The following RGPD2 variants were observed in gnomAD, a reference collection of about 807,000 sequenced individuals.
The protein encoded by RGPD2 is RANBP2 like and GRIP domain containing 2.
A neutral mutation model predicts 36.0 loss-of-function variants in RGPD2; 2 were observed. The observed-to-expected ratio is 0.06, with a 90% CI of 0.02 to 0.17. RGPD2 has a LOEUF of 0.17. Among genes scored for constraint, RGPD2 ranks in the 10% least tolerant of loss-of-function variants. The probability of loss-of-function intolerance (pLI) is 1.00; values close to 1 mark genes in which losing one functional copy is unlikely to be tolerated. For missense variants in RGPD2, 40 were observed against 464.3 expected (o/e 0.09, Z 8.40); for synonymous variants, 19 against 163.8 (o/e 0.12, Z 6.75).
At chr2:87,825,303 C>A (rs1038458525) in intron 1 of RGPD2, among the ~76,000 whole-genome samples, 2 of 151,594 alleles carry the variant, frequency 1.3e-5, no homozygotes, top group African/African-American at 4.8e-5. Context: ...AAGGGCGAAC[C>A]TGATCTCTTA....
At chr2:87,882,894 A>C in the RGPD2 span, among the ~76,000 whole-genome samples, 1 of 151,938 alleles carries the variant, frequency 6.6e-6, no homozygotes, top group African/African-American at 2.4e-5. Context: ...GTTAATTGTT[A>C]GTGTGTAGCA....
At chr2:87,915,286 ATATGTATATTATATATATTG>A in the RGPD2 span, among the ~76,000 whole-genome samples, 1 of 137,796 alleles carries the variant, frequency 7.3e-6, no homozygotes, top group African/African-American at 3.0e-5. Flanking sequence ...ATATATATAT[ATATGTATATTATATATATTG>A]TATATATATG....
intron 18 of RGPD2, among the ~76,000 whole-genome samples, chr2:87,785,729 C>CAA (rs1685576098): frequency 9.2e-6 from 1 of 108,184 alleles, no homozygotes; most frequent in South Asian, 3.6e-4. Context: ...TACAGATGTA[C>CAA]AAACTGTCTG....
At chr2:87,988,198 C>T in the RGPD2 span, among the ~76,000 whole-genome samples, 5 of 125,806 alleles carry the variant, frequency 4.0e-5, no homozygotes, top group Middle Eastern at 4.1e-3. Context: ...CCCTTCAATT[C>T]TAACATTTTG....
At chr2:87,847,235 G>A in the RGPD2 span, among the ~76,000 whole-genome samples, 6 of 151,968 alleles carry the variant, frequency 3.9e-5, no homozygotes, top group East Asian at 1.2e-3. Flanking sequence ...ACTTATATTT[G>A]GATGACATAC....
the RGPD2 span, among the ~76,000 whole-genome samples, chr2:87,984,745 A>G: frequency 6.7e-6 from 1 of 149,646 alleles, no homozygotes; most frequent in East Asian, 2.0e-4. Flanking sequence ...CCTGGCTAAC[A>G]TGGTGAAACC....
chr2:87,883,763 T>C, the RGPD2 span, among the ~76,000 whole-genome samples: 1 of 152,110 alleles, frequency 6.6e-6, no homozygotes, highest in African/African-American at 2.4e-5. Flanking sequence ...AACTAACAAT[T>C]ATATTTGCTC....
rs1298704661 is a variant in RGPD2, at chr2:87,756,578, T to C, written c.*814A>G. On this transcript the variant is annotated 3_prime_UTR_variant, in exon 23 of 23. Transcript: ENST00000398146. Reference sequence around the variant, plus strand: ...CTCTGGCTGCACTGTGCCCCGTGTGTCCCCAGCATCCTGGTGGGGCTCAAT... The same window carrying C: ...CTCTGGCTGCACTGTGCCCCGTGTGCCCCCAGCATCCTGGTGGGGCTCAAT... 4 of 361,480 alleles carry C rather than the reference T, an allele frequency of 1.1e-5. No homozygotes were observed. The highest frequency in any genetic ancestry group is 4.1e-5 in the Admixed American group (1 of 24,152). The allele number at this position is 361,480 out of a possible 1,614,324, so 22.4% of individuals were successfully genotyped here. A position where few individuals can be genotyped will look rare whatever the true frequency, so the allele number is the denominator to read the frequency against.
chr2:87,866,861 C>A, the RGPD2 span, among the ~76,000 whole-genome samples: 4 of 152,206 alleles, frequency 2.6e-5, no homozygotes, highest in African/African-American at 9.6e-5. Flanking sequence ...TGCCATGTGC[C>A]CATAGAGTCT....
At chr2:87,915,308 A>ATATATATGTATATTATATATAG in the RGPD2 span, among the ~76,000 whole-genome samples, 2 of 130,648 alleles carry the variant, frequency 1.5e-5, no homozygotes, top group African/African-American at 3.1e-5. Context: ...TATATATTGT[A>ATATATATGTATATTATATATAG]TATATATGTA....
chr2:87,973,403 C>T, the RGPD2 span, among the ~76,000 whole-genome samples: 3 of 131,580 alleles, frequency 2.3e-5, no homozygotes, highest in African/African-American at 5.3e-5. Context: ...GACTACTCCC[C>T]GTGTGCACTG....
chr2:87,915,470 T>C, the RGPD2 span, among the ~76,000 whole-genome samples: 2 of 132,942 alleles, frequency 1.5e-5, no homozygotes, highest in African/African-American at 3.0e-5. Flanking sequence ...CATATATGTG[T>C]ATGTATATAT....
At chr2:87,988,524 A>AATATATATATATAT in the RGPD2 span, among the ~76,000 whole-genome samples, 16 of 42,856 alleles carry the variant, frequency 3.7e-4, no homozygotes, top group East Asian at 6.8e-3. Context: ...TATACATATA[A>AATATATATATATAT]ATATATATAT....
chr2:87,883,255 C>T, the RGPD2 span, among the ~76,000 whole-genome samples: 1 of 151,230 alleles, frequency 6.6e-6, no homozygotes, highest in Non-Finnish European at 1.5e-5. Context: ...TAGCTTGTTA[C>T]AAGTATAAAA....
chr2:87,965,093 T>C, the RGPD2 span, among the ~76,000 whole-genome samples: 1 of 142,024 alleles, frequency 7.0e-6, no homozygotes, highest in African/African-American at 2.5e-5. Context: ...TCTCAAAACT[T>C]GGCCTTCGGC....
the RGPD2 span, among the ~76,000 whole-genome samples, chr2:87,947,536 C>T: frequency 6.6e-6 from 1 of 152,144 alleles, no homozygotes; most frequent in Admixed American, 6.5e-5. Context: ...TTTTCTTCCC[C>T]AAGAAAGCTA....
the RGPD2 span, among the ~76,000 whole-genome samples, chr2:87,960,191 G>A: frequency 6.6e-6 from 1 of 151,928 alleles, no homozygotes; most frequent in Non-Finnish European, 1.5e-5. Flanking sequence ...AATAGAATCA[G>A]ATGATTCAGT....
the RGPD2 span, among the ~76,000 whole-genome samples, chr2:87,944,591 AAAG>A: frequency 3.4e-5 from 4 of 118,518 alleles, no homozygotes; most frequent in Non-Finnish European, 6.4e-5. Context: ...GATATACTGC[AAAG>A]AAGATGTTTC....
At chr2:87,963,941 T>C in the RGPD2 span, among the ~76,000 whole-genome samples, 48 of 143,352 alleles carry the variant, frequency 3.3e-4, no homozygotes, top group African/African-American at 1.2e-3. Flanking sequence ...GTTCAAGCAA[T>C]TCTTGTGCCT....
Sources: gnomAD v4.1 joint callset for allele counts (sites outside exome capture counted in the v4.1 genomes callset) on GRCh38, gnomAD v4.1.1 for gene constraint, MANE v1.5 for transcripts, NCBI Gene and HGNC (gene_info 2026-07-23, HGNC 2026-07-21) for gene names.